CEP83: variants seen among roughly 807,000 people sequenced by gnomAD.
CEP83 encodes the protein centrosomal protein of 83 kDa.
A neutral mutation model predicts 101.9 loss-of-function variants in CEP83; 70 were observed. The ratio of observed to expected loss-of-function variants is 0.69; its 90% CI spans 0.57 to 0.84. CEP83 has a LOEUF of 0.84. CEP83 is among the 40% of genes least tolerant of loss of function. The pLI is 0.00. For synonymous variants in CEP83, 264 were observed against 267.9 expected (o/e 0.99, Z 0.14); for missense variants, 715 against 787.2 (o/e 0.91, Z 1.10).
intron 11 of CEP83, among the ~76,000 whole-genome samples, chr12:94,344,403 A>G (rs1382903779): frequency 6.6e-6 from 1 of 152,158 alleles, no homozygotes; most frequent in Non-Finnish European, 1.5e-5. Context: ...AAAACAACCA[A>G]ATGAACAAAG....
chr12:94,424,284 C>T (rs959906136), intron 2 of CEP83: 2 of 1,614,052 alleles, frequency 1.2e-6, no homozygotes, highest in African/African-American at 2.7e-5. Flanking sequence ...ACAAATATTC[C>T]TTGGTTCTGT....
chr12:94,306,138 G>A (rs1035357970), downstream of CEP83: 12 of 151,854 alleles, frequency 7.9e-5, no homozygotes, highest in African/African-American at 2.9e-4. Context: ...ACGATCTGTG[G>A]AAGAGTAACT....
Position 94,331,847 on chromosome 12 carries a change from G to A in CEP83, c.1578-18C>T. 1 of 1,607,070 alleles carries A rather than the reference G, an allele frequency of 6.2e-7. No homozygotes were observed. Among genetic ancestry groups the A allele is most frequent in the Non-Finnish European group, 8.5e-7 (1 of 1,174,132 alleles). Reference sequence around the variant, plus strand: ...CCAATGTCCTGTCAGAAGAATGTATGTAAAACATGGAAGTTAAATAAGTTC... The same window carrying A: ...CCAATGTCCTGTCAGAAGAATGTATATAAAACATGGAAGTTAAATAAGTTC... On this transcript the variant is annotated intron_variant, in intron 13 of 16. Coordinates refer to ENST00000397809, the MANE Select transcript of CEP83 (RefSeq NM_016122.3).
chr12:94,455,439 G>A (rs901115007), intron 1 of CEP83, among the ~76,000 whole-genome samples: 3 of 152,184 alleles, frequency 2.0e-5, no homozygotes, highest in African/African-American at 4.8e-5. Context: ...ATTCACTCAA[G>A]AAGTAACTGA....
intron 11 of CEP83, among the ~76,000 whole-genome samples, chr12:94,336,388 C>T (rs901208049): frequency 2.6e-5 from 4 of 152,174 alleles, no homozygotes; most frequent in Admixed American, 2.0e-4. Context: ...ACTCTTCAAA[C>T]GCCTATCTCA....
chr12:94,310,083 A>G lies in CEP83; in HGVS notation c.1836T>C (p.Tyr612=). ...LNRQNVPFED[Y]TRLQKRLKDI... ...CTTTTAGTCTTTTTTGAAGCCTTGT[A>G]TAGTCTTCAAAAGGAACATTTTGTC... The change falls in exon 16 of 17, where the codon TAT becomes TAC. Residue 612 remains tyrosine, a synonymous_variant. Coordinates refer to ENST00000397809, the MANE Select transcript of CEP83 (RefSeq NM_016122.3). The G allele has an allele frequency of 1.9e-6, 3 of 1,580,582 alleles. No homozygotes were observed. The highest frequency in any genetic ancestry group is 2.6e-6 in the Non-Finnish European group (3 of 1,154,664).
Position 94,379,013 on chromosome 12 carries a change from T to C in CEP83, c.579A>G (p.Glu193=). ...EIARLEEDKE[E]LRNQLLNVDL... ...CAACATTAAGCAGCTGGTTACGTAG[T>C]TCTTCTTTATCTTCCTCCAGTCTTG... is the stretch of plus-strand genomic sequence containing the variant. The change falls in exon 7 of 17, where the codon GAA becomes GAG. Residue 193 remains glutamate, a synonymous_variant. Transcript: ENST00000397809. The C allele has an allele frequency of 8.7e-6, 14 of 1,611,074 alleles. No individual in the cohort carries two copies. Among genetic ancestry groups the C allele is most frequent in the African/African-American group, 1.3e-5 (1 of 74,908 alleles).
chr12:94,412,682 CTT>C, intron 2 of CEP83, 91 bp from the exon 3 acceptor site: 1 of 353,738 alleles, frequency 2.8e-6, no homozygotes, highest in Non-Finnish European at 4.8e-6. Context: ...TTTTATTATT[CTT>C]TTTTTTTTCT....
chr12:94,267,145 G>A, the CEP83 span, among the ~76,000 whole-genome samples: 1 of 152,122 alleles, frequency 6.6e-6, no homozygotes, highest in Non-Finnish European at 1.5e-5. Flanking sequence ...AGCCCCAAAG[G>A]TCTCCAAAGA....
Position 94,332,586 on chromosome 12 carries a change from T to C in CEP83, c.1578-757A>G, listed in dbSNP as rs548813868. On this transcript the variant is annotated intron_variant, in intron 13 of 16. Coordinates refer to ENST00000397809, the MANE Select transcript of CEP83 (RefSeq NM_016122.3). ...CTTAAATTTGCTAGCTATACTGTCA[T>C]TAGAATTATTAAGCTCATTTCAATC... Among the ~76,000 whole-genome samples the C allele has an allele frequency of 2.8e-4, 43 of 152,308 alleles. 1 individual carries two copies. Among genetic ancestry groups the C allele is most frequent in the African/African-American group, 9.9e-4 (41 of 41,570 alleles).
chr12:94,448,125 A>G (rs1236978322), intron 1 of CEP83, among the ~76,000 whole-genome samples: 1 of 152,114 alleles, frequency 6.6e-6, no homozygotes, highest in Non-Finnish European at 1.5e-5. Context: ...TTTTAAAAAA[A>G]TACACCATAG....
intron 6 of CEP83, among the ~76,000 whole-genome samples, chr12:94,384,929 T>C (rs1047949221): frequency 6.6e-6 from 1 of 152,212 alleles, no homozygotes; most frequent in African/African-American, 2.4e-5. Flanking sequence ...GTTTCAGACC[T>C]TCCTAGTTCG....
At chr12:94,394,552 G>T (rs555069451) in intron 6 of CEP83, among the ~76,000 whole-genome samples, 1 of 152,116 alleles carries the variant, frequency 6.6e-6, no homozygotes, top group African/African-American at 2.4e-5. Context: ...TACCATTCAG[G>T]ACATAGGCAT....
At chr12:94,329,197 AG>A (rs1565918941) in intron 14 of CEP83, among the ~76,000 whole-genome samples, 1 of 152,180 alleles carries the variant, frequency 6.6e-6, no homozygotes, top group African/African-American at 2.4e-5. Flanking sequence ...ACATTTCAGT[AG>A]AAAAAAAAAT....
chr12:94,335,806 T>C (rs2059423399), intron 11 of CEP83, 142 bp from the exon 12 acceptor site: 1 of 634,154 alleles, frequency 1.6e-6, no homozygotes, highest in South Asian at 1.8e-5. Context: ...AGAAACTAGG[T>C]TGTGTTCACG....
chr12:94,294,603 C>A, the CEP83 span: 2 of 724,880 alleles, frequency 2.8e-6, no homozygotes, highest in Non-Finnish European at 2.4e-6. Flanking sequence ...TTGCTTTTTG[C>A]CTCTCTCAGC....
chr12:94,340,639 G>A (rs189249591), intron 11 of CEP83, among the ~76,000 whole-genome samples: 143 of 152,252 alleles, frequency 9.4e-4, no homozygotes, highest in African/African-American at 3.4e-3. Context: ...GTTTAACCAA[G>A]TTGGCCAGGC....
chr12:94,420,228 T>C (rs2064614347), intron 2 of CEP83, among the ~76,000 whole-genome samples: 1 of 152,136 alleles, frequency 6.6e-6, no homozygotes, highest in Admixed American at 6.5e-5. Flanking sequence ...CATTATCTAC[T>C]AAGGTTAAAA....
chr12:94,374,054 TG>T (rs1471453937), intron 8 of CEP83, among the ~76,000 whole-genome samples: 1 of 152,130 alleles, frequency 6.6e-6, no homozygotes, highest in East Asian at 1.9e-4. Flanking sequence ...CTTAGCAATG[TG>T]TATTAATAAA....
Sources: gnomAD v4.1 joint callset for allele counts (sites outside exome capture counted in the v4.1 genomes callset) on GRCh38, gnomAD v4.1.1 for gene constraint, MANE v1.5 for transcripts, NCBI Gene and HGNC (gene_info 2026-07-23, HGNC 2026-07-21) for gene names.